KCNH8: variants seen among roughly 807,000 people sequenced by gnomAD.
KCNH8 encodes potassium voltage-gated channel subfamily H member 8, also known as voltage-gated delayed rectifier potassium channel KCNH8.
A neutral mutation model predicts 103.6 loss-of-function variants in KCNH8; 70 were observed. The ratio of observed to expected loss-of-function variants is 0.68; its 90% CI spans 0.56 to 0.82. The LOEUF is 0.82. Ranked by LOEUF, KCNH8 falls within the 40% of genes least tolerant of loss-of-function variation. The pLI is 0.00. For missense variants in KCNH8, 1,217 were observed against 1,329.9 expected, an observed-to-expected ratio of 0.92 and a Z score of 1.32; for synonymous variants, 498 against 489.4, an observed-to-expected ratio of 1.02 and a Z score of -0.23.
At chr3:19,181,868 G>A (rs1261264839) in intron 1 of KCNH8, among the ~76,000 whole-genome samples, 1 of 152,066 alleles carries the variant, frequency 6.6e-6, no homozygotes, top group Non-Finnish European at 1.5e-5. Context: ...TACAAAACTG[G>A]ACAAGAATAG....
chr3:19,492,745 A>G (rs767463987), intron 11 of KCNH8, among the ~76,000 whole-genome samples: 12 of 152,046 alleles, frequency 7.9e-5, no homozygotes, highest in Non-Finnish European at 1.8e-4. Flanking sequence ...CAATAGGAGT[A>G]GCACTGAATC....
intron 5 of KCNH8, among the ~76,000 whole-genome samples, chr3:19,352,667 G>C (rs929349145): frequency 1.3e-5 from 2 of 152,136 alleles, no homozygotes; most frequent in African/African-American, 4.8e-5. Flanking sequence ...CAGAAATAAA[G>C]ATGTTCTTTG....
chr3:19,408,163 A>T (rs537716594), intron 7 of KCNH8, among the ~76,000 whole-genome samples: 1 of 152,112 alleles, frequency 6.6e-6, no homozygotes, highest in Non-Finnish European at 1.5e-5. Context: ...TATAAGTGTC[A>T]TCTATGGGCT....
chr3:19,271,540 A>G (rs1559452558), intron 2 of KCNH8, among the ~76,000 whole-genome samples: 1 of 152,174 alleles, frequency 6.6e-6, no homozygotes, highest in Non-Finnish European at 1.5e-5. Flanking sequence ...AAACTAAACC[A>G]TAATTGTCCA....
intron 2 of KCNH8, among the ~76,000 whole-genome samples, chr3:19,254,431 CA>C (rs2064320834): frequency 6.6e-6 from 1 of 152,080 alleles, no homozygotes; most frequent in Non-Finnish European, 1.5e-5. Flanking sequence ...AAACAGGAGA[CA>C]CTTAGCATCT....
At position 19,347,905 on chromosome 3, in the gene KCNH8, C is replaced by G. The variant is rs1450945735; in HGVS notation, c.751C>G (p.Leu251Val). 1.9e-6 allele frequency: 3 copies of G among 1,613,290 alleles called. No individual in the cohort carries two copies. The highest frequency in any genetic ancestry group is 2.5e-6 in the Non-Finnish European group (3 of 1,179,438). ...YNVCFIGNDD[L>V]STTRSTTVSD... Reference sequence around the variant, plus strand: ...CGTTTGCTTTATTGGCAATGACGACCTGTCCACAACTCGGAGCACAACCGT... The same window carrying G: ...CGTTTGCTTTATTGGCAATGACGACGTGTCCACAACTCGGAGCACAACCGT... Residue 251 changes from leucine (L) to valine (V), a missense_variant, in exon 5 of 16, where the codon CTG becomes GTG. Around this residue, in one of 3 missense-constraint regions of KCNH8, gnomAD observed 415 missense variants for 577.4 expected, o/e 0.72. Transcript: ENST00000328405.
chr3:19,526,479 T>C (rs2069066586), intron 15 of KCNH8, among the ~76,000 whole-genome samples: 1 of 151,998 alleles, frequency 6.6e-6, no homozygotes, highest in Non-Finnish European at 1.5e-5. Context: ...TTGTCAAAGA[T>C]AATTTTTCTC....
At chr3:19,160,328 CA>C (rs1241909683) in intron 1 of KCNH8, among the ~76,000 whole-genome samples, 4 of 152,018 alleles carry the variant, frequency 2.6e-5, no homozygotes, top group Admixed American at 2.0e-4. Flanking sequence ...TTCATTTATT[CA>C]TTTTTTTTGG....
At chr3:19,333,108 G>A (rs1212948774) in intron 3 of KCNH8, among the ~76,000 whole-genome samples, 1 of 151,980 alleles carries the variant, frequency 6.6e-6, no homozygotes, top group African/African-American at 2.4e-5. Context: ...GCCCCTAATG[G>A]TTAGTGTTTT....
chr3:19,169,952 CACGT>C (rs1056694914), intron 1 of KCNH8, among the ~76,000 whole-genome samples: 2 of 151,986 alleles, frequency 1.3e-5, no homozygotes, highest in African/African-American at 4.8e-5. Context: ...AAAAAGAAAC[CACGT>C]ATTATCTCAT....
chr3:19,290,168 G>T (rs1449056156), intron 3 of KCNH8, among the ~76,000 whole-genome samples: 1 of 152,102 alleles, frequency 6.6e-6, no homozygotes, highest in African/African-American at 2.4e-5. Flanking sequence ...GGGTTTTCTA[G>T]ATATACAATC....
intron 1 of KCNH8, among the ~76,000 whole-genome samples, chr3:19,181,292 T>C (rs974363048): frequency 6.6e-6 from 1 of 152,136 alleles, no homozygotes; most frequent in Non-Finnish European, 1.5e-5. Context: ...TCTCCTGCTT[T>C]GTTCTATATT....
intron 1 of KCNH8, among the ~76,000 whole-genome samples, chr3:19,180,721 T>G (rs1387427323): frequency 2.0e-5 from 3 of 151,884 alleles, no homozygotes; most frequent in Non-Finnish European, 4.4e-5. Flanking sequence ...TTGGTTTGGT[T>G]TGATCTTTTA....
intron 7 of KCNH8, among the ~76,000 whole-genome samples, chr3:19,408,443 G>A (rs1307801019): frequency 1.3e-5 from 2 of 152,066 alleles, no homozygotes; most frequent in East Asian, 3.9e-4. Flanking sequence ...AAGAATGCTG[G>A]CATCATGAAA....
intron 2 of KCNH8, among the ~76,000 whole-genome samples, chr3:19,256,483 C>T (rs1244746290): frequency 6.6e-6 from 1 of 152,062 alleles, no homozygotes; most frequent in Non-Finnish European, 1.5e-5. Context: ...AGAATGCAGA[C>T]TGGCAGGGAG....
chr3:19,516,923 T>G (rs1027121224), intron 14 of KCNH8, among the ~76,000 whole-genome samples: 3 of 152,042 alleles, frequency 2.0e-5, no homozygotes, highest in Admixed American at 1.3e-4. Flanking sequence ...TAAAATGGCT[T>G]TCTATTGCCC....
chr3:19,475,716 C>T (rs1042971071), intron 11 of KCNH8, among the ~76,000 whole-genome samples: 7 of 152,004 alleles, frequency 4.6e-5, no homozygotes, highest in African/African-American at 4.8e-5. Flanking sequence ...AGAAAGAGAC[C>T]GAGGGAAGGA....
intron 3 of KCNH8, among the ~76,000 whole-genome samples, chr3:19,296,879 A>G (rs972283719): frequency 2.0e-5 from 3 of 152,204 alleles, no homozygotes; most frequent in African/African-American, 7.2e-5. Context: ...AAAAAAAGAC[A>G]TGAAAAGGAA....
intron 1 of KCNH8, among the ~76,000 whole-genome samples, chr3:19,178,307 A>G (rs1256079179): frequency 6.6e-6 from 1 of 152,162 alleles, no homozygotes; most frequent in Non-Finnish European, 1.5e-5. Flanking sequence ...TAGCTAATAA[A>G]GGGCTAGTGG....
Sources: gnomAD v4.1 joint callset for allele counts (sites outside exome capture counted in the v4.1 genomes callset) on GRCh38, gnomAD v4.1.1 for gene constraint, gnomAD v4.1.1 regional missense constraint, MANE v1.5 for transcripts, NCBI Gene and HGNC (gene_info 2026-07-23, HGNC 2026-07-21) for gene names.